Variants in THBS4 observed in about 807,000 individuals in gnomAD.
THBS4 encodes the protein thrombospondin 4.
A neutral mutation model predicts 115.7 loss-of-function variants in THBS4; 90 were observed. That is an observed-to-expected ratio of 0.78 (90% confidence interval 0.66 to 0.93). The LOEUF (loss-of-function observed/expected upper bound fraction) is 0.93, where lower values mean the gene tolerates loss of function less well. Among genes scored for constraint, THBS4 ranks in the 40% least tolerant of loss-of-function variants. The probability of loss-of-function intolerance (pLI) is 0.00; values close to 1 mark genes in which losing one functional copy is unlikely to be tolerated. For synonymous variants in THBS4, 460 were observed against 479.3 expected (o/e 0.96, Z 0.53); for missense variants, 1,087 against 1,232.7 (o/e 0.88, Z 1.77).
At chr5:80,049,238 C>T (rs1188989357) in intron 2 of THBS4, among the ~76,000 whole-genome samples, 5 of 152,116 alleles carry the variant, frequency 3.3e-5, no homozygotes, top group Non-Finnish European at 7.4e-5. Context: ...TCTTCATTGC[C>T]TGGGCTTGCT....
intron 15 of THBS4, among the ~76,000 whole-genome samples, chr5:80,073,880 G>C (rs1358946810): frequency 6.6e-6 from 1 of 152,204 alleles, no homozygotes; most frequent in Admixed American, 6.5e-5. Context: ...TCTATTTCAG[G>C]AGAGGTAATA....
At chr5:80,047,979 C>G (rs690325) in intron 2 of THBS4, among the ~76,000 whole-genome samples, 83,387 of 151,686 alleles carry the variant, frequency 0.55, 23,356 homozygotes, top group African/African-American at 0.65. Context: ...GCCTGGCTCG[C>G]TGGTACATGC....
intron 2 of THBS4, among the ~76,000 whole-genome samples, chr5:80,020,385 A>T (rs1832344818): frequency 6.6e-6 from 1 of 152,152 alleles, no homozygotes; most frequent in East Asian, 1.9e-4. Context: ...GAGGCAGGAG[A>T]ATGGCATGAA....
In THBS4 at chr5:80,019,730, T is replaced by C. The variant is rs543748382; in HGVS notation, n.178-20347T>C. On this transcript the variant is annotated intron_variant and non_coding_transcript_variant, in intron 2 of 3. Coordinates refer to the THBS4 transcript ENST00000510218. ...GATGTTGTGGTTAATAACTGTGCCA[T>C]CTGCAGGAATCACAGCATGGATCTG... The C allele has an allele frequency of 2.5e-5, 5 of 199,400 alleles. No individual in the cohort carries two copies. In the East Asian group the frequency reaches 5.7e-4, roughly 23 times the overall value. The allele number at this position is 199,400 out of a possible 1,614,324, so 12.4% of individuals were successfully genotyped here.
intron 4 of THBS4, 25 bp downstream of exon 4, chr5:80,058,339 T>C: frequency 6.6e-7 from 1 of 1,515,366 alleles, no homozygotes; most frequent in Non-Finnish European, 9.0e-7. Context: ...GCAGTTTGCA[T>C]GCCTTCATCA....
Position 80,065,440 on chromosome 5 carries a change from G to C in THBS4, c.1157G>C (p.Gly386Ala), listed in dbSNP as rs1439370230. The change falls in exon 9 of 22, where the codon GGA becomes GCA. Residue 386 changes from glycine (G) to alanine (A), a missense_variant. Around this residue, in one of 3 missense-constraint regions of THBS4, gnomAD observed 979 missense variants for 1,103.7 expected, o/e 0.89. Coordinates refer to ENST00000350881, the MANE Select transcript of THBS4 (RefSeq NM_003248.6). ...ACTGACATTGATGAGTGTCGAAATG[G>C]AGCGTGCGTTCCCAACTCGATCTGC... ...VCTDIDECRN[G>A]ACVPNSICVN... The C allele has an allele frequency of 6.2e-7, 1 of 1,613,738 alleles. No homozygotes were observed. Among genetic ancestry groups the C allele is most frequent in the African/African-American group, 1.3e-5 (1 of 75,018 alleles).
intron 2 of THBS4, among the ~76,000 whole-genome samples, chr5:80,040,770 G>C (rs188336506): frequency 6.6e-6 from 1 of 152,308 alleles, no homozygotes; most frequent in Non-Finnish European, 1.5e-5. Flanking sequence ...AAAGAAAAGA[G>C]ATTTATTTAG....
intron 2 of THBS4, among the ~76,000 whole-genome samples, chr5:80,024,068 A>G (rs1349308730): frequency 6.6e-6 from 1 of 152,148 alleles, no homozygotes; most frequent in Non-Finnish European, 1.5e-5. Context: ...ACCCACAAAA[A>G]TAAAGATAAT....
Position 80,058,313 on chromosome 5 carries a change from A to T in THBS4, c.648A>T (p.Thr216=), listed in dbSNP as rs779544320. 13 of 1,557,676 alleles carry T rather than the reference A, an allele frequency of 8.3e-6. No homozygotes were observed. The Admixed American group carries it at 2.1e-4, about 25-fold the overall frequency. The part of the protein sequence containing the change: ...QQSEPLAATG[T]GDFNRQFLGQ... ...GTGAGCCACTGGCTGCCACAGGCAC[A>T]GGTGTGGGCTCTTGGGCAGTTTGCA... is the stretch of plus-strand genomic sequence containing the variant. The change falls in exon 4 of 22, where the codon ACA becomes ACT. Residue 216 remains threonine (T), a splice_region_variant and synonymous_variant. Coordinates refer to ENST00000350881, the MANE Select transcript of THBS4 (RefSeq NM_003248.6).
At chr5:80,047,406 T>G (rs1184089679) in intron 2 of THBS4, among the ~76,000 whole-genome samples, 1 of 152,148 alleles carries the variant, frequency 6.6e-6, no homozygotes, top group African/African-American at 2.4e-5. Context: ...TTTTGTTTTT[T>G]GTTTTCTGTT....
chr5:80,014,902 T>C (rs752195145), intron 2 of THBS4, among the ~76,000 whole-genome samples: 1 of 152,226 alleles, frequency 6.6e-6, no homozygotes, highest in Non-Finnish European at 1.5e-5. Context: ...TTATTGTGTA[T>C]AGAAAGGAGG....
intron 2 of THBS4, among the ~76,000 whole-genome samples, chr5:80,016,625 A>G (rs1044541065): frequency 6.6e-6 from 1 of 152,196 alleles, no homozygotes; most frequent in Non-Finnish European, 1.5e-5. Flanking sequence ...AATAATATAC[A>G]CATATTATTG....
In THBS4 at chr5:80,079,830, A is replaced by G. The variant is rs971237518; in HGVS notation, c.2512-75A>G. On this transcript the variant is annotated intron_variant, in intron 19 of 21. Coordinates refer to ENST00000350881, the MANE Select transcript of THBS4 (RefSeq NM_003248.6). Reference sequence around the variant, plus strand: ...TATAACCATGACTATAACCTGGATCATCACTTCAGATCCAGGAAGCAGGAA... The same window carrying G: ...TATAACCATGACTATAACCTGGATCGTCACTTCAGATCCAGGAAGCAGGAA... The G allele has an allele frequency of 1.8e-5, 26 of 1,436,652 alleles. 1 individual carries two copies. The Middle Eastern group carries it at 1.8e-3, about 99-fold the overall frequency. The allele number at this position is 1,436,652 out of a possible 1,614,324, so 89.0% of individuals were successfully genotyped here. A position where few individuals can be genotyped will look rare whatever the true frequency, so the allele number is the denominator to read the frequency against.
chr5:80,051,508 TC>T (rs1213050703), intron 2 of THBS4, among the ~76,000 whole-genome samples: 3 of 152,204 alleles, frequency 2.0e-5, no homozygotes, highest in Admixed American at 6.5e-5. Context: ...TCCATGGTTT[TC>T]CTTCCCTGCG....
chr5:80,021,281 C>T (rs1342914850), intron 2 of THBS4, among the ~76,000 whole-genome samples: 1 of 152,058 alleles, frequency 6.6e-6, no homozygotes, highest in Non-Finnish European at 1.5e-5. Context: ...AGCAGTGCAT[C>T]AAATGAAGAA....
chr5:80,003,374 GGA>G (rs1477188364), intron 2 of THBS4, among the ~76,000 whole-genome samples: 2 of 152,064 alleles, frequency 1.3e-5, no homozygotes, highest in African/African-American at 2.4e-5. Context: ...AAGTAAGTAG[GGA>G]GAGAGAGAAA....
At chr5:80,026,649 CAT>C (rs1266085082) in intron 2 of THBS4, among the ~76,000 whole-genome samples, 1 of 152,190 alleles carries the variant, frequency 6.6e-6, no homozygotes, top group African/African-American at 2.4e-5. Context: ...TTGAATTTCA[CAT>C]GATTTTCACA....
At position 80,027,859 on chromosome 5, in the gene THBS4, A is replaced by T. The variant is rs557695848; in HGVS notation, n.178-12218A>T. On this transcript the variant is annotated intron_variant and non_coding_transcript_variant, in intron 2 of 3. Coordinates refer to the THBS4 transcript ENST00000510218. ...CAGTGAGCCGAGGTCGTGCCACTGCACTCCAGCCTGGGTGACAGAGTGAGA... is the reference window on the plus strand; with the variant it reads ...CAGTGAGCCGAGGTCGTGCCACTGCTCTCCAGCCTGGGTGACAGAGTGAGA... 7.4e-5 allele frequency among the ~76,000 whole-genome samples: 10 copies of T among 134,692 alleles called. 1 individual carries two copies. The East Asian group carries it at 2.2e-3, about 30-fold the overall frequency. 88.4% of individuals were successfully genotyped at this position (134,692 alleles called of 152,430 possible).
intron 2 of THBS4, among the ~76,000 whole-genome samples, chr5:80,055,379 G>A (rs1474684997): frequency 1.3e-5 from 2 of 151,728 alleles, no homozygotes; most frequent in Admixed American, 1.3e-4. Flanking sequence ...ACAGCCCCCA[G>A]CCCCATGGTA....
Sources: allele counts gnomAD v4.1 joint callset (sites outside exome capture counted in the v4.1 genomes callset), GRCh38; gene constraint gnomAD v4.1.1; regional missense constraint gnomAD v4.1.1; transcripts MANE v1.5; gene names NCBI Gene and HGNC (gene_info 2026-07-23, HGNC 2026-07-21).